PLEKHA1: variants seen among roughly 807,000 people sequenced by gnomAD.
The protein encoded by PLEKHA1 is pleckstrin homology domain containing A1.
In PLEKHA1, 34 loss-of-function variants were observed where a neutral mutation model predicts 52.0. The ratio of observed to expected loss-of-function variants is 0.65; its 90% CI spans 0.50 to 0.87. The LOEUF (loss-of-function observed/expected upper bound fraction) is 0.87, where lower values mean the gene tolerates loss of function less well. PLEKHA1 is among the 40% of genes least tolerant of loss of function. The pLI is 0.00. For synonymous variants in PLEKHA1, 163 were observed against 170.7 expected, an observed-to-expected ratio of 0.95 and a Z score of 0.35; for missense variants, 497 against 504.2, an observed-to-expected ratio of 0.99 and a Z score of 0.14.
At chr10:122,436,310 CTTTAAA>C, downstream of PLEKHA1, 1 of 152,168 alleles carries the variant, frequency 6.6e-6, no homozygotes, top group African/African-American at 2.4e-5. Context: ...TTATACATAC[CTTTAAA>C]TTTAACATTT....
chr10:122,440,222 A>G, the PLEKHA1 span: 2 of 152,248 alleles, frequency 1.3e-5, no homozygotes, highest in Non-Finnish European at 2.9e-5. Flanking sequence ...TGTAAAAAGT[A>G]TAATTTCTTG....
Position 122,399,864 on chromosome 10 carries a change from C to T in PLEKHA1, c.199-479C>T, listed in dbSNP as rs184033217. On this transcript the variant is annotated intron_variant, in intron 3 of 11. Coordinates refer to ENST00000368990, the MANE Select transcript of PLEKHA1 (RefSeq NM_001001974.4). ...CCTCTCAAAGTGCTGGGATTACAGG[C>T]GTGAGCCACTGTGCCCAGCCTAGAT... Among the ~76,000 whole-genome samples, 360 of 152,242 alleles carry T rather than the reference C, an allele frequency of 2.4e-3. 2 individuals are homozygous for T. Among genetic ancestry groups the T allele is most frequent in the Non-Finnish European group, 3.6e-3 (243 of 68,002 alleles).
chr10:122,382,105 T>C (rs2096622964), intron 1 of PLEKHA1, among the ~76,000 whole-genome samples: 1 of 152,222 alleles, frequency 6.6e-6, no homozygotes, highest in African/African-American at 2.4e-5. Flanking sequence ...AAGACAATTG[T>C]AATCGTTTCT....
chr10:122,427,301 TCTTA>T (rs1415630575), intron 11 of PLEKHA1, among the ~76,000 whole-genome samples: 34 of 152,350 alleles, frequency 2.2e-4, no homozygotes, highest in Middle Eastern at 3.4e-3. Context: ...TTTTAGGAGT[TCTTA>T]CTTGTCAGTA....
intron 1 of PLEKHA1, chr10:122,387,910 A>C (rs975578010): frequency 1.3e-5 from 2 of 152,190 alleles, no homozygotes; most frequent in East Asian, 3.8e-4. Context: ...TCAAGTAGAT[A>C]ATTTATTTGC....
intron 11 of PLEKHA1, 64 bp from the exon 12 acceptor site, chr10:122,429,560 C>CA: frequency 2.8e-6 from 4 of 1,454,064 alleles, no homozygotes; most frequent in Middle Eastern, 3.6e-4. Context: ...AATCAAGTCT[C>CA]ACACTGAGTT....
chr10:122,412,857 G>C (rs1336143071), intron 5 of PLEKHA1, 63 bp from the exon 6 acceptor site: 3 of 1,559,738 alleles, frequency 1.9e-6, no homozygotes, highest in Non-Finnish European at 2.6e-6. Flanking sequence ...GAAATTCTGC[G>C]AGAAAACAGG....
At chr10:122,383,271 T>C (rs1000644660) in intron 1 of PLEKHA1, among the ~76,000 whole-genome samples, 2 of 151,926 alleles carry the variant, frequency 1.3e-5, no homozygotes, top group East Asian at 3.9e-4. Flanking sequence ...CCAGATAACA[T>C]TTTTTTCTTT....
chr10:122,380,632 C>T (rs931454458), intron 1 of PLEKHA1, among the ~76,000 whole-genome samples: 1 of 151,974 alleles, frequency 6.6e-6, no homozygotes, highest in Non-Finnish European at 1.5e-5. Context: ...TTTATGAGGG[C>T]TTTGGTTTTT....
chr10:122,415,056 C>T (rs1431838027), intron 6 of PLEKHA1, among the ~76,000 whole-genome samples: 1 of 151,998 alleles, frequency 6.6e-6, no homozygotes, highest in African/African-American at 2.4e-5. Flanking sequence ...GGAAACAACT[C>T]AAATGTCCTT....
chr10:122,428,421 G>A (rs1305587446), intron 11 of PLEKHA1: 35 of 1,451,776 alleles, frequency 2.4e-5, no homozygotes, highest in Non-Finnish European at 2.9e-5. Flanking sequence ...ATCATAGAAA[G>A]TTGAGTTAAC....
rs1246892175 is a variant in PLEKHA1, at chr10:122,431,689, C to G, written c.*1751C>G. 2 of 152,520 alleles carry G rather than the reference C, an allele frequency of 1.3e-5. No homozygotes were observed. The highest frequency in any genetic ancestry group is 2.9e-5 in the Non-Finnish European group (2 of 68,016). The allele number at this position is 152,520 out of a possible 1,614,324, so 9.4% of individuals were successfully genotyped here. Reference sequence around the variant, plus strand: ...TAAAAATCTGTATGCATAAAGAATGCACCACTCAACTTTTTTATTCATAAG... The same window carrying G: ...TAAAAATCTGTATGCATAAAGAATGGACCACTCAACTTTTTTATTCATAAG... On this transcript the variant is annotated 3_prime_UTR_variant, in exon 12 of 12. Coordinates refer to ENST00000368990, the MANE Select transcript of PLEKHA1 (RefSeq NM_001001974.4).
In PLEKHA1 at chr10:122,413,055, T is replaced by G; in HGVS notation, c.468+10T>G. On this transcript the variant is annotated intron_variant, in intron 6 of 11. Transcript: ENST00000368990. ...CATTACTCCCACTCAGGTAATTAAG[T>G]AACTCTTCTATTGTGTGAGGGTCTA... 6.2e-7 allele frequency: 1 copy of G among 1,609,828 alleles called. No homozygotes were observed. The highest frequency in any genetic ancestry group is 8.5e-7 in the Non-Finnish European group (1 of 1,177,058).
intron 8 of PLEKHA1, chr10:122,418,251 G>T (rs933000745): frequency 1.8e-5 from 5 of 278,312 alleles, no homozygotes; most frequent in Non-Finnish European, 3.4e-5. Flanking sequence ...CTGTCCTCTT[G>T]GGGGGTTAGC....
At chr10:122,383,161 A>G (rs1047699253) in intron 1 of PLEKHA1, among the ~76,000 whole-genome samples, 2 of 152,188 alleles carry the variant, frequency 1.3e-5, no homozygotes, top group Admixed American at 1.3e-4. Flanking sequence ...GAATAGTGTA[A>G]CCAATCCCAT....
At chr10:122,438,248 C>G in the PLEKHA1 span, 1 of 152,094 alleles carries the variant, frequency 6.6e-6, no homozygotes, top group Non-Finnish European at 1.5e-5. Flanking sequence ...TAGAGTGAGT[C>G]ACTGTCTCAA....
At position 122,413,055 on chromosome 10, in the gene PLEKHA1, TA is replaced by T. The variant is rs758490041; in HGVS notation, c.468+12del. 10 of 1,609,826 alleles carry T rather than the reference TA, an allele frequency of 6.2e-6. No homozygotes were observed. In the South Asian group the frequency reaches 1.1e-4, roughly 18 times the overall value. On this transcript the variant is annotated intron_variant, in intron 6 of 11. Transcript: ENST00000368990. ...CATTACTCCCACTCAGGTAATTAAG[TA>T]ACTCTTCTATTGTGTGAGGGTCTAA...
intron 1 of PLEKHA1, among the ~76,000 whole-genome samples, chr10:122,382,038 C>T (rs1167064970): frequency 6.6e-6 from 1 of 152,106 alleles, no homozygotes; most frequent in Non-Finnish European, 1.5e-5. Flanking sequence ...GATACTCCAA[C>T]AATAGAGGTC....
intron 2 of PLEKHA1, 141 bp from the exon 3 acceptor site, chr10:122,397,777 T>G: frequency 1.6e-6 from 1 of 629,138 alleles, no homozygotes; most frequent in Non-Finnish European, 2.7e-6. Flanking sequence ...AGTAAAAATT[T>G]GAACAGAAGA....
Sources: allele counts gnomAD v4.1 joint callset (sites outside exome capture counted in the v4.1 genomes callset), GRCh38; gene constraint gnomAD v4.1.1; transcripts MANE v1.5; gene names NCBI Gene and HGNC (gene_info 2026-07-23, HGNC 2026-07-21).